Variants in MAN2C1 observed in about 807,000 individuals in gnomAD.
MAN2C1 encodes the protein alpha-mannosidase 2C1.
In MAN2C1, 111 loss-of-function variants were observed where a neutral mutation model predicts 126.9. That is an observed-to-expected ratio of 0.87 (90% CI 0.75 to 1.02). The LOEUF (loss-of-function observed/expected upper bound fraction) is 1.02. Ranked by LOEUF, MAN2C1 falls within the 50% of genes least tolerant of loss-of-function variation. The probability of loss-of-function intolerance (pLI) is 0.00; values close to 1 mark genes in which losing one functional copy is unlikely to be tolerated. For synonymous variants in MAN2C1, 567 were observed against 561.5 expected, an observed-to-expected ratio of 1.01 and a Z score of -0.14; for missense variants, 1,363 against 1,364.4, an observed-to-expected ratio of 1.00 and a Z score of 0.02.
chr15:75,364,555 AGCTCAGCCCG>A lies in MAN2C1; in HGVS notation c.523_532del (p.Arg175Ter). The A allele has an allele frequency of 6.2e-7, 1 of 1,611,232 alleles. No homozygotes were observed. On this transcript the variant is annotated frameshift_variant, in exon 5 of 26. Coordinates refer to ENST00000267978, the MANE Select transcript of MAN2C1 (RefSeq NM_006715.4). LOFTEE classifies it high-confidence loss of function. Reference sequence around the variant, plus strand: ...GTGGACATCCCGGTGGAACACAGCTAGCTCAGCCCGGCTCAGCTGGAACATCTTCTCAGGG... The same window carrying A: ...GTGGACATCCCGGTGGAACACAGCTAGCTCAGCTGGAACATCTTCTCAGGG...
At chr15:75,363,029 C>T (rs1398581262) in intron 6 of MAN2C1, 3 of 441,494 alleles carry the variant, frequency 6.8e-6, no homozygotes, top group East Asian at 1.0e-4. Flanking sequence ...TAGACATCCC[C>T]TAGAGGATCC....
chr15:75,363,954 G>A, intron 6 of MAN2C1, 45 bp downstream of exon 6: 1 of 1,604,206 alleles, frequency 6.2e-7, no homozygotes, highest in Admixed American at 1.7e-5. Flanking sequence ...AGGTCTTCAA[G>A]GGCACTCCTG....
chr15:75,360,555 TC>T lies in MAN2C1; in HGVS notation c.1584+9del, dbSNP rs1221029933. On this transcript the variant is annotated intron_variant, in intron 13 of 25. Transcript: ENST00000267978. ...ACCCTCCCTGCACAGCCCTGCAACC[TC>T]CCCCTGACCTGGGCATGGGTGGTGT... is the stretch of plus-strand genomic sequence containing the variant. The T allele has an allele frequency of 2.5e-6, 4 of 1,612,850 alleles. No homozygotes were observed. The Admixed American group carries it at 6.7e-5, about 27-fold the overall frequency.
intron 20 of MAN2C1, 32 bp downstream of exon 20, chr15:75,358,430 G>C (rs371151146): frequency 6.2e-7 from 1 of 1,612,950 alleles, no homozygotes; most frequent in African/African-American, 1.3e-5. Context: ...AGCACACTTG[G>C]GGAAAACAGC....
At chr15:75,360,238 T>G in intron 13 of MAN2C1, 27 bp from the exon 14 acceptor site, 1 of 1,603,136 alleles carries the variant, frequency 6.2e-7, no homozygotes, top group Non-Finnish European at 8.5e-7. Flanking sequence ...AAGATTAGTC[T>G]GGAGCCTGCT....
chr15:75,360,041 T>C (rs773115827), intron 14 of MAN2C1, 49 bp downstream of exon 14: 5 of 1,613,864 alleles, frequency 3.1e-6, no homozygotes, highest in Non-Finnish European at 3.4e-6. Context: ...GGCACAGAGG[T>C]AACTGCAGTG....
Position 75,368,183 on chromosome 15 carries a change from G to A in MAN2C1, c.117C>T (p.Ser39=), listed in dbSNP as rs2072623479. The A allele has an allele frequency of 2.1e-5, 33 of 1,604,320 alleles. No individual in the cohort carries two copies. Among genetic ancestry groups the A allele is most frequent in the Non-Finnish European group, 2.8e-5 (33 of 1,177,306 alleles). Reference sequence around the variant, plus strand: ...AGCTGGAGAGCACAGCCACAGGGCAGCTGGCCCCAAAAAGCCTGCGTGGGA... The same window carrying A: ...AGCTGGAGAGCACAGCCACAGGGCAACTGGCCCCAAAAAGCCTGCGTGGGA... ...CNLRGRLFGA[S]CPVAVLSSFL... The change falls in exon 2 of 26, where the codon AGC becomes AGT. Residue 39 remains serine (S), a synonymous_variant. Transcript: ENST00000267978.
intron 6 of MAN2C1, 62 bp downstream of exon 6, chr15:75,363,937 C>T (rs1260730759): frequency 6.4e-7 from 1 of 1,567,764 alleles, no homozygotes; most frequent in Non-Finnish European, 8.7e-7. Context: ...GCTTCTAGGG[C>T]ACATCCAGGT....
At chr15:75,368,382 TG>T in intron 1 of MAN2C1, 100 bp downstream of exon 1, 1 of 1,412,028 alleles carries the variant, frequency 7.1e-7, no homozygotes, top group Middle Eastern at 2.1e-4. Context: ...GCGGGCACTT[TG>T]TCCCGCGGCC....
chr15:75,363,818 A>C (rs1374045211), intron 6 of MAN2C1, 181 bp downstream of exon 6: 3 of 644,286 alleles, frequency 4.7e-6, no homozygotes, highest in African/African-American at 3.7e-5. Flanking sequence ...AAAAAAAAAA[A>C]AGTGAATCCA....
At chr15:75,358,143 A>C (rs2141326669) in intron 21 of MAN2C1, 58 bp downstream of exon 21, 1 of 1,599,116 alleles carries the variant, frequency 6.3e-7, no homozygotes, top group East Asian at 2.2e-5. Context: ...TGTTCCACAC[A>C]AGCAGTCTCC....
intron 13 of MAN2C1, 65 bp downstream of exon 13, chr15:75,360,500 C>A (rs984435216): frequency 6.9e-6 from 11 of 1,592,350 alleles, no homozygotes; most frequent in African/African-American, 1.3e-5. Context: ...CCCCTGCTGC[C>A]TTCTCTGACC....
Position 75,362,765 on chromosome 15 carries a change from G to A in MAN2C1, c.791-17C>T, listed in dbSNP as rs1277319998. ...AAAGCCAGGCTATACGGGGAGTGAG[G>A]TGGAGGACAGAGGGAGCAGCAAGGC... On this transcript the variant is annotated splice_polypyrimidine_tract_variant and intron_variant, in intron 6 of 25. Transcript: ENST00000267978. The surrounding 1 kb of genome is among the most constrained non-coding windows in gnomAD (Gnocchi z 4.5). 1 of 1,608,804 alleles carries A rather than the reference G, an allele frequency of 6.2e-7. No individual in the cohort carries two copies. Among genetic ancestry groups the A allele is most frequent in the Admixed American group, 1.7e-5 (1 of 59,986 alleles).
Position 75,356,475 on chromosome 15 carries a change from T to C in MAN2C1, c.2738-26A>G. The C allele has an allele frequency of 3.2e-6, 5 of 1,578,830 alleles. No individual in the cohort carries two copies. Among genetic ancestry groups the C allele is most frequent in the Non-Finnish European group, 4.3e-6 (5 of 1,164,260 alleles). ...CTGGGGTACGACCAGGAAACAATGC[T>C]GGTGGAGAATGGGGGCTACCCTCCC... On this transcript the variant is annotated intron_variant, in intron 23 of 25. Coordinates refer to ENST00000267978, the MANE Select transcript of MAN2C1 (RefSeq NM_006715.4). The surrounding 1 kb of genome is among the most constrained non-coding windows in gnomAD (Gnocchi z 5.8).
rs752792380 is a variant in MAN2C1, at chr15:75,356,065, G to A, written c.2997-33C>T. 10 of 1,613,494 alleles carry A rather than the reference G, an allele frequency of 6.2e-6. No individual in the cohort carries two copies. The East Asian group carries it at 1.1e-4, about 18-fold the overall frequency. ...ACAGGAGGGGCCATGAAGGCTCTGC[G>A]AGGGCGAGACTCGACCCCCGCCCCA... is the stretch of plus-strand genomic sequence containing the variant. On this transcript the variant is annotated intron_variant, in intron 25 of 25. Transcript: ENST00000267978. The surrounding 1 kb of genome is among the most constrained non-coding windows in gnomAD (Gnocchi z 5.8).
rs974852643 is a variant in MAN2C1, at chr15:75,362,086, CCT to C, written c.1009-141_1009-140del. Reference sequence around the variant, plus strand: ...TTACAGCCAGAACTCAGGAAGGGCCCCTGTCCTTCAGGCCTGACTGTCCATCT... The same window carrying C: ...TTACAGCCAGAACTCAGGAAGGGCCCGTCCTTCAGGCCTGACTGTCCATCT... On this transcript the variant is annotated intron_variant, in intron 8 of 25. Transcript: ENST00000267978. This position sits in a 1 kb window ranked among gnomAD's most constrained non-coding sequence, Gnocchi z 4.5. The C allele has an allele frequency of 1.9e-5, 14 of 723,972 alleles. No individual in the cohort carries two copies. The highest frequency in any genetic ancestry group is 1.4e-4 in the African/African-American group (8 of 57,168). The allele number at this position is 723,972 out of a possible 1,614,324, so 44.8% of individuals were successfully genotyped here. A position where few individuals can be genotyped will look rare whatever the true frequency, so the allele number is the denominator to read the frequency against.
At position 75,367,771 on chromosome 15, in the gene MAN2C1, A is replaced by G. The variant is rs57165613; in HGVS notation, c.228-137T>C. The G allele has an allele frequency of 1.9e-3, 2,173 of 1,161,230 alleles. 49 individuals are homozygous for G. The African/African-American group carries it at 0.03, about 16-fold the overall frequency. 71.9% of individuals were successfully genotyped at this position (1,161,230 alleles called of 1,614,324 possible). A position where few individuals can be genotyped will look rare whatever the true frequency, so the allele number is the denominator to read the frequency against. On this transcript the variant is annotated intron_variant, in intron 2 of 25. Transcript: ENST00000267978. ...AAGGTACTCAGCTTTGAGTCACAAG[A>G]AAGGAGCAACAAGGTGAGAAGCAAG...
intron 1 of MAN2C1, 56 bp downstream of exon 1, chr15:75,368,427 G>A: frequency 6.6e-7 from 1 of 1,513,152 alleles, no homozygotes; most frequent in Middle Eastern, 1.7e-4. Context: ...TCCCCGGAAG[G>A]AAAGCTTGAG....
In MAN2C1 at chr15:75,368,069, C is replaced by T. The variant is rs2072618260; in HGVS notation, c.227+4G>A. On this transcript the variant is annotated splice_donor_region_variant and intron_variant, in intron 2 of 25. Transcript: ENST00000267978. ...GCCCCGCCCACCCGCTGGGCGTTACCTACGTGGGTCCGAAGCTGTCGCCGA... is the reference window on the plus strand; with the variant it reads ...GCCCCGCCCACCCGCTGGGCGTTACTTACGTGGGTCCGAAGCTGTCGCCGA... 6.2e-7 allele frequency: 1 copy of T among 1,604,630 alleles called. No individual in the cohort carries two copies. The highest frequency in any genetic ancestry group is 1.1e-5 in the South Asian group (1 of 89,792).
Sources: allele counts gnomAD v4.1 joint callset, GRCh38; gene constraint gnomAD v4.1.1; non-coding constraint Gnocchi (gnomAD v3.1); transcripts MANE v1.5; gene names NCBI Gene and HGNC (gene_info 2026-07-23, HGNC 2026-07-21).